The following GOT2 variants were observed in gnomAD, a reference collection of about 807,000 sequenced individuals.
GOT2 encodes aspartate aminotransferase, mitochondrial.
Under a neutral mutation model 50.0 loss-of-function variants are expected in GOT2, and 17 were observed. The ratio of observed to expected loss-of-function variants is 0.34; its 90% CI spans 0.23 to 0.51. The LOEUF (loss-of-function observed/expected upper bound fraction) is 0.51. Ranked by LOEUF, GOT2 falls within the 20% of genes least tolerant of loss-of-function variation. GOT2 has a pLI of 0.97. For missense variants in GOT2, 430 were observed against 559.6 expected (o/e 0.77, Z 2.34); for synonymous variants, 172 against 204.9 (o/e 0.84, Z 1.37).
chr16:58,731,507 G>C (rs1256414417), intron 1 of GOT2, among the ~76,000 whole-genome samples: 1 of 152,174 alleles, frequency 6.6e-6, no homozygotes, highest in Non-Finnish European at 1.5e-5. Flanking sequence ...AGTCTCACGA[G>C]ACCTGCTCAG....
intron 8 of GOT2, among the ~76,000 whole-genome samples, chr16:58,714,921 C>A (rs889304308): frequency 2.6e-5 from 4 of 152,012 alleles, no homozygotes; most frequent in Non-Finnish European, 5.9e-5. Flanking sequence ...CCTCAGCCTC[C>A]CAAAGTGTTG....
At chr16:58,708,326 C>T in intron 9 of GOT2, 33 bp from the exon 10 acceptor site, 7 of 1,608,860 alleles carry the variant, frequency 4.4e-6, no homozygotes, top group Non-Finnish European at 5.9e-6. Flanking sequence ...GTACCTCTTC[C>T]CGGTACAGGG....
chr16:58,730,707 T>A (rs1431487893), intron 1 of GOT2, among the ~76,000 whole-genome samples: 1 of 152,164 alleles, frequency 6.6e-6, no homozygotes, highest in East Asian at 1.9e-4. Context: ...TTAGTAACCA[T>A]CTTTCAACTC....
chr16:58,729,898 A>G (rs964381007), intron 1 of GOT2, among the ~76,000 whole-genome samples: 2 of 152,162 alleles, frequency 1.3e-5, no homozygotes, highest in African/African-American at 4.8e-5. Context: ...CAATCTAAAT[A>G]TAGGAGCAGG....
chr16:58,721,484 T>C (rs2044739563), intron 3 of GOT2, among the ~76,000 whole-genome samples: 1 of 152,084 alleles, frequency 6.6e-6, no homozygotes, highest in Non-Finnish European at 1.5e-5. Context: ...GCTTAGGACA[T>C]GAGGGTGTGG....
intron 1 of GOT2, among the ~76,000 whole-genome samples, chr16:58,729,932 A>AAG (rs2044820483): frequency 3.3e-5 from 5 of 152,146 alleles, no homozygotes; most frequent in Non-Finnish European, 7.4e-5. Flanking sequence ...TTTTTTAAAA[A>AAG]TGTAATAAAT....
In GOT2 at chr16:58,718,707, G is replaced by T; in HGVS notation, c.436-19C>A. The T allele has an allele frequency of 6.5e-7, 1 of 1,538,290 alleles. No individual in the cohort carries two copies. ...ATCTTTGCTAAAAGATGGGACGAAA[G>T]GAAACAGAAAAATGAACAAAGGAGA... On this transcript the variant is annotated intron_variant, in intron 4 of 9. Coordinates refer to ENST00000245206, the MANE Select transcript of GOT2 (RefSeq NM_002080.4).
rs774204577 is a variant in GOT2 at position 58,718,705 on chromosome 16, A to G, written c.436-17T>C. 6.5e-7 allele frequency: 1 copy of G among 1,541,098 alleles called. No individual in the cohort carries two copies. The highest frequency in any genetic ancestry group is 1.2e-5 in the South Asian group (1 of 81,524). On this transcript the variant is annotated splice_polypyrimidine_tract_variant and intron_variant, in intron 4 of 9. Coordinates refer to ENST00000245206, the MANE Select transcript of GOT2 (RefSeq NM_002080.4). ...AAATCTTTGCTAAAAGATGGGACGA[A>G]AGGAAACAGAAAAATGAACAAAGGA...
At chr16:58,721,781 ATTT>A (rs11333258) in intron 3 of GOT2, 14 of 140,674 alleles carry the variant, frequency 1.0e-4, no homozygotes, top group East Asian at 4.0e-4. Flanking sequence ...TATTTCTTAA[ATTT>A]TTTTTTTTTT....
intron 3 of GOT2, among the ~76,000 whole-genome samples, chr16:58,719,639 CAGCTACTGGAAAGGCTG>C (rs1281250670): frequency 6.6e-6 from 1 of 152,070 alleles, no homozygotes; most frequent in Admixed American, 6.6e-5. Flanking sequence ...CCTGTAATCC[CAGCTACTGGAAAGGCTG>C]AGGCATGAGA....
chr16:58,711,000 G>C (rs1022372396), intron 8 of GOT2, among the ~76,000 whole-genome samples: 6 of 142,260 alleles, frequency 4.2e-5, no homozygotes, highest in Non-Finnish European at 9.2e-5. Flanking sequence ...AAAAGTGAAT[G>C]AATCACTCTA....
chr16:58,722,570 A>G (rs749138166), intron 2 of GOT2, among the ~76,000 whole-genome samples: 2 of 151,850 alleles, frequency 1.3e-5, no homozygotes, highest in African/African-American at 2.4e-5. Context: ...GGGTTTCACT[A>G]TGTTGGCCAG....
rs991197338 is a variant in GOT2 at position 58,727,382 on chromosome 16, A to T, written c.90-3480T>A. Among the ~76,000 whole-genome samples the T allele has an allele frequency of 3.3e-5, 5 of 150,398 alleles. No individual in the cohort carries two copies. In the East Asian group the frequency reaches 6.1e-4, roughly 18 times the overall value. ...AATATAAAAGGTTTTTTTTTTTTTA[A>T]AAAAAGAAAAAACTGTGCAATCAGT... On this transcript the variant is annotated intron_variant, in intron 1 of 9. Coordinates refer to ENST00000245206, the MANE Select transcript of GOT2 (RefSeq NM_002080.4).
intron 4 of GOT2, 74 bp from the exon 5 acceptor site, chr16:58,718,762 G>T: frequency 7.9e-7 from 1 of 1,269,134 alleles, no homozygotes; most frequent in Non-Finnish European, 1.1e-6. Context: ...GTTTTATTGA[G>T]AGAACATTTT....
At position 58,722,283 on chromosome 16, in the gene GOT2, A is replaced by T. The variant is rs777452138; in HGVS notation, c.247-5T>A. On this transcript the variant is annotated splice_polypyrimidine_tract_variant and splice_region_variant and intron_variant, in intron 2 of 9. Transcript: ENST00000245206. ...TGCGGCAATCTGGGCCTCTGCCTAG[A>T]CAAGAGAAAATACATCCATTGAATT... The T allele has an allele frequency of 2.0e-5, 33 of 1,612,916 alleles. No individual in the cohort carries two copies. The South Asian group carries it at 3.6e-4, about 18-fold the overall frequency.
At chr16:58,714,531 G>A (rs1446575005) in intron 8 of GOT2, among the ~76,000 whole-genome samples, 1 of 148,040 alleles carries the variant, frequency 6.8e-6, no homozygotes, top group African/African-American at 2.5e-5. Context: ...CAGCCTGGGC[G>A]ACAGAGCGAG....
At chr16:58,712,573 T>C (rs961106843) in intron 8 of GOT2, among the ~76,000 whole-genome samples, 1 of 152,170 alleles carries the variant, frequency 6.6e-6, no homozygotes, top group African/African-American at 2.4e-5. Context: ...TGTGTGTATC[T>C]TTCTCATCAG....
At chr16:58,709,661 T>C in intron 8 of GOT2, 94 bp from the exon 9 acceptor site, 1 of 1,010,386 alleles carries the variant, frequency 9.9e-7, no homozygotes, top group Non-Finnish European at 1.5e-6. Context: ...AGCAGTCCCC[T>C]AGTGTGCCTC....
chr16:58,714,551 CAA>C (rs765724020), intron 8 of GOT2, among the ~76,000 whole-genome samples: 10 of 103,480 alleles, frequency 9.7e-5, no homozygotes, highest in Admixed American at 9.7e-5. Flanking sequence ...GACTCCGTCT[CAA>C]AAAAAAAAAA....
Sources: gnomAD v4.1 joint callset for allele counts (sites outside exome capture counted in the v4.1 genomes callset) on GRCh38, gnomAD v4.1.1 for gene constraint, MANE v1.5 for transcripts, NCBI Gene and HGNC (gene_info 2026-07-23, HGNC 2026-07-21) for gene names.